Variants in PRIM2 observed in about 807,000 individuals in gnomAD.
PRIM2 encodes DNA primase large subunit.
PRIM2 carries 39 observed loss-of-function variants against 67.3 expected under a neutral mutation model. That is an observed-to-expected ratio of 0.58 (90% CI 0.45 to 0.76). PRIM2 has a LOEUF of 0.76. Ranked by LOEUF, PRIM2 falls within the 30% of genes least tolerant of loss-of-function variation. PRIM2 has a pLI of 0.00. For missense variants in PRIM2, 398 were observed against 598.7 expected (o/e 0.66, Z 3.50); for synonymous variants, 143 against 198.7 (o/e 0.72, Z 2.36).
At chr6:57,308,313 G>A in the PRIM2 span, among the ~76,000 whole-genome samples, 1 of 152,078 alleles carries the variant, frequency 6.6e-6, no homozygotes, top group East Asian at 1.9e-4. Context: ...TGTAGAGGCA[G>A]GGTTTCACCG....
intron 7 of PRIM2, among the ~76,000 whole-genome samples, chr6:57,402,621 A>G (rs927551378): frequency 6.6e-6 from 1 of 152,188 alleles, no homozygotes. Context: ...AAGTATAACT[A>G]TGTTTGGGGA....
At chr6:57,223,926 A>G in the PRIM2 span, among the ~76,000 whole-genome samples, 2 of 152,246 alleles carry the variant, frequency 1.3e-5, no homozygotes, top group African/African-American at 4.8e-5. Context: ...TCATCAGAAC[A>G]TTAAAAATAG....
intron 10 of PRIM2, among the ~76,000 whole-genome samples, chr6:57,555,947 C>T (rs1260203797): frequency 6.6e-6 from 1 of 152,174 alleles, no homozygotes; most frequent in African/African-American, 2.4e-5. Context: ...TTTTCTTGGA[C>T]AAGAAGAGCT....
the PRIM2 span, among the ~76,000 whole-genome samples, chr6:57,274,919 G>A: frequency 2.0e-5 from 3 of 151,254 alleles, no homozygotes; most frequent in South Asian, 6.3e-4. Context: ...TGGGACTACA[G>A]GCACGTGCCT....
the PRIM2 span, among the ~76,000 whole-genome samples, chr6:57,267,610 G>A: frequency 6.6e-6 from 1 of 151,672 alleles, no homozygotes; most frequent in African/African-American, 2.4e-5. Flanking sequence ...ATAAAAAGCA[G>A]AATAAATAAG....
chr6:57,399,844 G>A (rs1482715981), intron 7 of PRIM2, among the ~76,000 whole-genome samples: 2 of 152,094 alleles, frequency 1.3e-5, no homozygotes, highest in East Asian at 3.9e-4. Context: ...GTCTTCTTTT[G>A]AGAAGTGTCT....
intron 7 of PRIM2, among the ~76,000 whole-genome samples, chr6:57,482,275 G>A (rs1773647470): frequency 6.6e-6 from 1 of 152,006 alleles, no homozygotes; most frequent in South Asian, 2.1e-4. Flanking sequence ...ATAAATCTGA[G>A]TCTGTAGCTT....
the PRIM2 span, among the ~76,000 whole-genome samples, chr6:57,280,474 C>T: frequency 6.6e-6 from 1 of 151,854 alleles, no homozygotes; most frequent in African/African-American, 2.4e-5. Context: ...CCTGTAGGTC[C>T]TTCCCCCAGC....
chr6:57,229,066 G>T, the PRIM2 span, among the ~76,000 whole-genome samples: 5 of 152,214 alleles, frequency 3.3e-5, no homozygotes, highest in Non-Finnish European at 7.3e-5. Context: ...CTGCTCTGCA[G>T]TGTCCAAGTA....
intron 7 of PRIM2, among the ~76,000 whole-genome samples, chr6:57,461,268 G>A (rs1255256832): frequency 1.3e-5 from 2 of 152,144 alleles, no homozygotes; most frequent in Non-Finnish European, 2.9e-5. Context: ...TGGCTGTCTT[G>A]TTGTTTAGCT....
At chr6:57,469,090 T>C (rs1224621490) in intron 7 of PRIM2, among the ~76,000 whole-genome samples, 1 of 152,214 alleles carries the variant, frequency 6.6e-6, no homozygotes, top group Non-Finnish European at 1.5e-5. Context: ...GTGATTTCCT[T>C]ATCATCACCG....
the PRIM2 span, among the ~76,000 whole-genome samples, chr6:57,259,878 A>G: frequency 6.6e-6 from 1 of 152,184 alleles, no homozygotes; most frequent in East Asian, 1.9e-4. Context: ...CCCACATTCA[A>G]AGACTAGTCA....
chr6:57,584,730 T>C (rs1776158437), intron 10 of PRIM2, among the ~76,000 whole-genome samples: 1 of 152,200 alleles, frequency 6.6e-6, no homozygotes, highest in Admixed American at 6.5e-5. Context: ...CAGAGATATA[T>C]TTGATTATAA....
At chr6:57,242,756 A>T in the PRIM2 span, among the ~76,000 whole-genome samples, 15 of 152,144 alleles carry the variant, frequency 9.9e-5, no homozygotes, top group Non-Finnish European at 1.5e-5. Flanking sequence ...TGGAGCCTTG[A>T]AAAGTCCAGG....
At position 57,602,122 on chromosome 6, in the gene PRIM2, C is replaced by T. The variant is rs1334262896; in HGVS notation, c.1147+903C>T. On this transcript the variant is annotated intron_variant, in intron 11 of 13. Transcript: ENST00000615550. ...TTGCCCAGGCTGGAGTGCAATGGCG[C>T]GATCTCGGCTCACTGCAGTCTCCAC... Among the ~76,000 whole-genome samples the T allele has an allele frequency of 6.0e-5, 9 of 150,606 alleles. No homozygotes were observed. The South Asian group carries it at 6.3e-4, about 10-fold the overall frequency.
At chr6:57,239,072 C>G in the PRIM2 span, among the ~76,000 whole-genome samples, 3 of 152,082 alleles carry the variant, frequency 2.0e-5, no homozygotes, top group African/African-American at 7.2e-5. Flanking sequence ...CCCACTGCAA[C>G]TTCTGCCTCC....
chr6:57,474,630 ATAC>A (rs1300495955), intron 7 of PRIM2, among the ~76,000 whole-genome samples: 2 of 152,158 alleles, frequency 1.3e-5, no homozygotes, highest in Admixed American at 6.5e-5. Context: ...AGCAGGGAGA[ATAC>A]TACTACTGCT....
intron 7 of PRIM2, among the ~76,000 whole-genome samples, chr6:57,473,672 A>G (rs1353117621): frequency 6.6e-6 from 1 of 152,172 alleles, no homozygotes; most frequent in Admixed American, 6.5e-5. Flanking sequence ...AAAACAAACG[A>G]ACAAAACCGG....
intron 7 of PRIM2, among the ~76,000 whole-genome samples, chr6:57,398,903 C>A (rs1447040602): frequency 6.6e-5 from 10 of 151,828 alleles, no homozygotes; most frequent in Non-Finnish European, 1.3e-4. Context: ...ATGAAATGCC[C>A]TTTTTTGTCT....
Sources: gnomAD v4.1 joint callset for allele counts (sites outside exome capture counted in the v4.1 genomes callset) on GRCh38, gnomAD v4.1.1 for gene constraint, MANE v1.5 for transcripts, NCBI Gene and HGNC (gene_info 2026-07-23, HGNC 2026-07-21) for gene names.